Variants in USP48 observed in about 807,000 individuals in gnomAD.
USP48 encodes ubiquitin carboxyl-terminal hydrolase 48.
In USP48, 43 loss-of-function variants were observed where a neutral mutation model predicts 150.7. That is an observed-to-expected ratio of 0.29 (90% CI 0.22 to 0.37). The LOEUF is 0.37. USP48 is among the 10% of genes least tolerant of loss of function. The probability of loss-of-function intolerance (pLI) is 1.00; values close to 1 mark genes in which losing one functional copy is unlikely to be tolerated. For synonymous variants in USP48, 396 were observed against 425.9 expected, an observed-to-expected ratio of 0.93 and a Z score of 0.86; for missense variants, 813 against 1,249.6, an observed-to-expected ratio of 0.65 and a Z score of 5.27.
intron 1 of USP48, among the ~76,000 whole-genome samples, chr1:21,760,854 G>A (rs1438991816): frequency 2.0e-5 from 3 of 152,216 alleles, no homozygotes; most frequent in Non-Finnish European, 4.4e-5. Context: ...CAGCACTTTG[G>A]GAGGCTGAGG....
chr1:21,727,423 A>T (rs1184513843), intron 11 of USP48, among the ~76,000 whole-genome samples: 1 of 152,258 alleles, frequency 6.6e-6, no homozygotes, highest in Admixed American at 6.5e-5. Context: ...CAAAGGAAGC[A>T]CAGTGCTAAC....
intron 8 of USP48, among the ~76,000 whole-genome samples, chr1:21,746,186 T>C (rs2097794148): frequency 6.6e-6 from 1 of 152,114 alleles, no homozygotes; most frequent in Admixed American, 6.6e-5. Context: ...AGAGATAGAG[T>C]TTATAAAATA....
chr1:21,780,236 A>C (rs984150925), intron 1 of USP48, among the ~76,000 whole-genome samples: 1 of 152,244 alleles, frequency 6.6e-6, no homozygotes, highest in Admixed American at 6.5e-5. Context: ...GTAAGGAATA[A>C]AGTAGTGACA....
chr1:21,753,444 A>G (rs2097822297), intron 3 of USP48, among the ~76,000 whole-genome samples: 1 of 151,816 alleles, frequency 6.6e-6, no homozygotes, highest in Admixed American at 6.6e-5. Flanking sequence ...AATCCCAGCT[A>G]CTTGGGAGGC....
At chr1:21,740,938 A>G (rs2097780152) in intron 8 of USP48, among the ~76,000 whole-genome samples, 4 of 152,234 alleles carry the variant, frequency 2.6e-5, no homozygotes. Context: ...ATAAAGTACA[A>G]GGTAGAGCTG....
chr1:21,699,814 C>CCACACACACA (rs10660046), intron 22 of USP48, among the ~76,000 whole-genome samples: 1,737 of 149,244 alleles, frequency 0.012, 12 homozygotes, highest in African/African-American at 0.021. Flanking sequence ...CTGCGCCTGG[C>CCACACACACA]CACACACACA....
chr1:21,701,040 G>A (rs2097654152), intron 22 of USP48, among the ~76,000 whole-genome samples: 2 of 127,152 alleles, frequency 1.6e-5, no homozygotes, highest in South Asian at 5.3e-4. Context: ...ACTCCAGCCT[G>A]GTTGACAAGG....
chr1:21,685,762 C>G (rs1375554328), intron 25 of USP48: 1 of 152,180 alleles, frequency 6.6e-6, no homozygotes, highest in Non-Finnish European at 1.5e-5. Flanking sequence ...TGCAATTTTA[C>G]TGAATGTTCA....
chr1:21,730,175 T>C (rs1275450529), intron 9 of USP48, among the ~76,000 whole-genome samples: 1 of 152,194 alleles, frequency 6.6e-6, no homozygotes, highest in East Asian at 1.9e-4. Flanking sequence ...GCACAGTGGC[T>C]CATGCTTGTA....
intron 14 of USP48, among the ~76,000 whole-genome samples, chr1:21,717,112 T>A (rs1371801557): frequency 6.6e-6 from 1 of 151,526 alleles, no homozygotes; most frequent in African/African-American, 2.4e-5. Context: ...ATTCAAAAAC[T>A]GAAGTAGAGG....
At chr1:21,697,290 AAGTT>A (rs888375766) in intron 22 of USP48, among the ~76,000 whole-genome samples, 4 of 152,060 alleles carry the variant, frequency 2.6e-5, no homozygotes. Context: ...TCACGAGAAA[AAGTT>A]AAGTGCACAT....
chr1:21,720,553 A>C (rs987086662), intron 14 of USP48, among the ~76,000 whole-genome samples: 2 of 89,218 alleles, frequency 2.2e-5, no homozygotes, highest in Non-Finnish European at 6.2e-5. Flanking sequence ...TAAGAGACAG[A>C]GTCTCGCTCT....
At chr1:21,748,051 AC>A (rs1481647713) in intron 7 of USP48, 86 bp downstream of exon 7, 2 of 1,312,976 alleles carry the variant, frequency 1.5e-6, no homozygotes, top group African/African-American at 3.0e-5. Context: ...GTTTCAAATT[AC>A]AACCATTTTA....
intron 9 of USP48, among the ~76,000 whole-genome samples, chr1:21,731,244 C>T (rs1006403983): frequency 6.6e-6 from 1 of 151,978 alleles, no homozygotes; most frequent in African/African-American, 2.4e-5. Context: ...GACTTAATTG[C>T]CCAAATAAAT....
rs183529294 is a variant in USP48 at position 21,689,883 on chromosome 1, G to A, written c.3009+91C>T. On this transcript the variant is annotated intron_variant, in intron 24 of 26. Transcript: ENST00000308271. ...TCACTACCCTCTGCTAAAGACCCAA[G>A]GCATCCTTTAACCACCATTTCACAC... The A allele has an allele frequency of 2.6e-6, 4 of 1,526,520 alleles. No individual in the cohort carries two copies. The Admixed American group carries it at 5.8e-5, about 22-fold the overall frequency. The allele number at this position is 1,526,520 out of a possible 1,614,324, so 94.6% of individuals were successfully genotyped here. A position where few individuals can be genotyped will look rare whatever the true frequency, so the allele number is the denominator to read the frequency against.
intron 1 of USP48, among the ~76,000 whole-genome samples, chr1:21,760,918 A>C (rs2097848434): frequency 6.6e-6 from 1 of 151,698 alleles, no homozygotes; most frequent in African/African-American, 2.4e-5. Context: ...ACATGGAGAA[A>C]CCCTGTCTCT....
At chr1:21,684,901 A>G (rs369360615) in intron 25 of USP48, among the ~76,000 whole-genome samples, 9 of 151,754 alleles carry the variant, frequency 5.9e-5, no homozygotes, top group African/African-American at 1.7e-4. Context: ...CCATTGTCCT[A>G]TGTTTTATAC....
At chr1:21,694,206 G>A (rs1208525944) in intron 23 of USP48, among the ~76,000 whole-genome samples, 1 of 152,148 alleles carries the variant, frequency 6.6e-6, no homozygotes, top group Non-Finnish European at 1.5e-5. Flanking sequence ...CATGCTTTGA[G>A]GGGGATGGAG....
At chr1:21,738,926 A>C (rs1208775979) in intron 8 of USP48, among the ~76,000 whole-genome samples, 1 of 152,136 alleles carries the variant, frequency 6.6e-6, no homozygotes, top group Non-Finnish European at 1.5e-5. Flanking sequence ...AAACCCACTG[A>C]ACTCACCCCA....
Sources: gnomAD v4.1 joint callset for allele counts (sites outside exome capture counted in the v4.1 genomes callset) on GRCh38, gnomAD v4.1.1 for gene constraint, MANE v1.5 for transcripts, NCBI Gene and HGNC (gene_info 2026-07-23, HGNC 2026-07-21) for gene names.